ABCC4: variants seen among roughly 807,000 people sequenced by gnomAD.
ABCC4 encodes the protein ATP binding cassette subfamily C member 4 (PEL blood group).
Under a neutral mutation model 168.5 loss-of-function variants are expected in ABCC4, and 102 were observed. That is an observed-to-expected ratio of 0.61 (90% CI 0.52 to 0.71). The LOEUF (loss-of-function observed/expected upper bound fraction) is 0.71, where lower values mean the gene tolerates loss of function less well. Ranked by LOEUF, ABCC4 falls within the 30% of genes least tolerant of loss-of-function variation. The pLI is 0.00. For missense variants in ABCC4, 1,402 were observed against 1,605.8 expected (o/e 0.87, Z 2.17); for synonymous variants, 617 against 590.7 (o/e 1.04, Z -0.65).
chr13:95,089,988 A>G (rs1261941218), intron 20 of ABCC4, among the ~76,000 whole-genome samples: 2 of 152,150 alleles, frequency 1.3e-5, no homozygotes, highest in Admixed American at 6.5e-5. Flanking sequence ...AGAGGCTTGC[A>G]TGTGAACTTT....
At chr13:95,132,130 C>T (rs1479985795) in intron 19 of ABCC4, among the ~76,000 whole-genome samples, 1 of 152,152 alleles carries the variant, frequency 6.6e-6, no homozygotes, top group Admixed American at 6.5e-5. Flanking sequence ...GGATTGGTTC[C>T]AGGACCTCCC....
intron 1 of ABCC4, among the ~76,000 whole-genome samples, chr13:95,279,774 CAGAAG>C (rs146538737): frequency 0.03 from 4,592 of 152,186 alleles, 108 homozygotes; most frequent in Non-Finnish European, 0.04. Flanking sequence ...GTCAAGAGAA[CAGAAG>C]AGAAGGCAGA....
intron 29 of ABCC4, among the ~76,000 whole-genome samples, chr13:95,042,127 C>G (rs1394356101): frequency 6.6e-6 from 1 of 152,062 alleles, no homozygotes. Context: ...TGTTGAAATG[C>G]AAGGTCATCT....
intron 26 of ABCC4, chr13:95,054,004 T>C (rs912843959): frequency 5.3e-5 from 5 of 94,426 alleles, no homozygotes; most frequent in African/African-American, 1.5e-4. Flanking sequence ...ATCTCTCCAA[T>C]GTCAGAATGG....
At chr13:95,205,933 T>C (rs1190565286) in intron 8 of ABCC4, among the ~76,000 whole-genome samples, 1 of 151,834 alleles carries the variant, frequency 6.6e-6, no homozygotes, top group Non-Finnish European at 1.5e-5. Context: ...AATCAACCAA[T>C]TGGAAATAAA....
intron 29 of ABCC4, among the ~76,000 whole-genome samples, chr13:95,042,233 ACAGAGAAACCAGGACTGACTACCC>A (rs760033016): frequency 6.6e-6 from 1 of 152,162 alleles, no homozygotes; most frequent in Non-Finnish European, 1.5e-5. Context: ...CAGGTCCCAA[ACAGAGAAACCAGGACTGACTACCC>A]CTGTCTTCCC....
chr13:95,253,194 T>C (rs935953971), intron 1 of ABCC4, among the ~76,000 whole-genome samples: 2 of 152,166 alleles, frequency 1.3e-5, no homozygotes, highest in Non-Finnish European at 2.9e-5. Flanking sequence ...AACAGCTCCA[T>C]TGAAGAAATG....
chr13:95,263,943 A>C (rs554494562), intron 1 of ABCC4, among the ~76,000 whole-genome samples: 4 of 152,318 alleles, frequency 2.6e-5, no homozygotes, highest in African/African-American at 9.6e-5. Flanking sequence ...GCTGAATCCA[A>C]GATCGGGGCA....
Position 95,301,350 on chromosome 13 carries a change from C to G in ABCC4, c.-36G>C, listed in dbSNP as rs766664620. 110 of 1,549,638 alleles carry G rather than the reference C, an allele frequency of 7.1e-5. No homozygotes were observed. Among genetic ancestry groups the G allele is most frequent in the Non-Finnish European group, 8.9e-5 (102 of 1,148,624 alleles). On this transcript the variant is annotated 5_prime_UTR_variant, in exon 1 of 31. Coordinates refer to ENST00000645237, the MANE Select transcript of ABCC4 (RefSeq NM_005845.5). ...GGGGCGGGCGCGGGCCGGGGTCGCG[C>G]TGATCAGGCGGCGGTGGCCGCGGGC...
At chr13:95,250,395 T>C (rs1465566106) in intron 1 of ABCC4, among the ~76,000 whole-genome samples, 1 of 152,172 alleles carries the variant, frequency 6.6e-6, no homozygotes, top group Non-Finnish European at 1.5e-5. Flanking sequence ...TGCCATATTA[T>C]TTGGAATCCC....
intron 20 of ABCC4, among the ~76,000 whole-genome samples, chr13:95,109,103 T>C (rs569721168): frequency 5.9e-5 from 9 of 152,174 alleles, no homozygotes; most frequent in Non-Finnish European, 1.3e-4. Context: ...AACTGCTCCA[T>C]GCTCTAGATC....
intron 1 of ABCC4, among the ~76,000 whole-genome samples, chr13:95,292,318 C>T (rs1034805022): frequency 2.6e-5 from 4 of 152,146 alleles, no homozygotes; most frequent in Admixed American, 2.6e-4. Context: ...GAGATCGCAC[C>T]ACTGCAATCC....
chr13:95,046,013 A>G (rs918976695), intron 27 of ABCC4, among the ~76,000 whole-genome samples: 1 of 152,190 alleles, frequency 6.6e-6, no homozygotes, highest in African/African-American at 2.4e-5. Context: ...TCCGAAGTGT[A>G]AGATTTGGCT....
intron 18 of ABCC4, among the ~76,000 whole-genome samples, chr13:95,162,721 T>C (rs2037138470): frequency 1.3e-5 from 2 of 152,150 alleles, no homozygotes; most frequent in African/African-American, 2.4e-5. Context: ...CCAAGTTCAA[T>C]AAAAGCCAGG....
At chr13:95,074,888 G>C (rs2033846076) in intron 22 of ABCC4, among the ~76,000 whole-genome samples, 1 of 152,196 alleles carries the variant, frequency 6.6e-6, no homozygotes, top group African/African-American at 2.4e-5. Context: ...ATAAAATAAA[G>C]ATTGGAATGA....
chr13:95,021,900 AT>A (rs1297430329), intron 30 of ABCC4, among the ~76,000 whole-genome samples: 1 of 152,178 alleles, frequency 6.6e-6, no homozygotes, highest in African/African-American at 2.4e-5. Context: ...CTGTAGATCC[AT>A]TTTAGTTCCG....
chr13:95,267,186 A>G (rs1274815405), intron 1 of ABCC4, among the ~76,000 whole-genome samples: 1 of 151,880 alleles, frequency 6.6e-6, no homozygotes, highest in African/African-American at 2.4e-5. Context: ...CTGGCCATCA[A>G]ATCTCATCTT....
chr13:95,151,904 G>A (rs2036702522), intron 19 of ABCC4, among the ~76,000 whole-genome samples: 1 of 152,186 alleles, frequency 6.6e-6, no homozygotes. Context: ...TCAACTCCCT[G>A]TGCAAGAACA....
chr13:95,034,454 C>T (rs551841069), intron 30 of ABCC4, 151 bp downstream of exon 30: 296 of 1,188,412 alleles, frequency 2.5e-4, no homozygotes, highest in Non-Finnish European at 2.5e-4. Context: ...CAACCCGGGA[C>T]GTGCCGTTAA....
Sources: gnomAD v4.1 joint callset for allele counts (sites outside exome capture counted in the v4.1 genomes callset) on GRCh38, gnomAD v4.1.1 for gene constraint, MANE v1.5 for transcripts, NCBI Gene and HGNC (gene_info 2026-07-23, HGNC 2026-07-21) for gene names.